RRAGC: variants seen among roughly 807,000 people sequenced by gnomAD.
The protein encoded by RRAGC is Ras related GTP binding C.
RRAGC carries 8 observed loss-of-function variants against 37.1 expected under a neutral mutation model. That is an observed-to-expected ratio of 0.22 (90% CI 0.13 to 0.39). The LOEUF (loss-of-function observed/expected upper bound fraction) is 0.39. Among genes scored for constraint, RRAGC ranks in the 10% least tolerant of loss-of-function variants. The probability of loss-of-function intolerance (pLI) is 1.00; values close to 1 mark genes in which losing one functional copy is unlikely to be tolerated. For missense variants in RRAGC, 342 were observed against 497.6 expected (o/e 0.69, Z 2.98); for synonymous variants, 190 against 181.1 (o/e 1.05, Z -0.39).
At chr1:38,840,005 G>A (rs975148309) in intron 6 of RRAGC, among the ~76,000 whole-genome samples, 27 of 152,076 alleles carry the variant, frequency 1.8e-4, no homozygotes, top group African/African-American at 4.1e-4. Flanking sequence ...AAAATTAGCC[G>A]GGCATGGTGG....
At chr1:38,858,882 A>C (rs988932547) in intron 1 of RRAGC, among the ~76,000 whole-genome samples, 14 of 152,244 alleles carry the variant, frequency 9.2e-5, no homozygotes, top group African/African-American at 3.1e-4. Context: ...AAATGGGTGC[A>C]ATCTCACTAC....
intron 1 of RRAGC, among the ~76,000 whole-genome samples, chr1:38,857,746 G>T (rs1014197795): frequency 6.6e-6 from 1 of 152,198 alleles, no homozygotes; most frequent in African/African-American, 2.4e-5. Flanking sequence ...GATCACTTGA[G>T]GTCAGGAGTT....
chr1:38,856,717 T>C (rs1642171711), intron 2 of RRAGC, 162 bp downstream of exon 2: 1 of 632,600 alleles, frequency 1.6e-6, no homozygotes, highest in Non-Finnish European at 2.8e-6. Context: ...GCACAATGCA[T>C]GTCTGCTCCC....
chr1:38,839,577 A>G lies in RRAGC; in HGVS notation c.1176T>C (p.Asn392=). The G allele has an allele frequency of 2.5e-6, 4 of 1,614,102 alleles. No homozygotes were observed. Among genetic ancestry groups the G allele is most frequent in the Non-Finnish European group, 3.4e-6 (4 of 1,180,030 alleles). ...SASSLKALTH[N]GTPRNAI is the part of the protein sequence containing the mutation. ...ACTAGATGGCGTTTCGTGGCGTGCCATTGTGTGTCAGCGCTTTCAGACTGG... is the reference window on the plus strand; with the variant it reads ...ACTAGATGGCGTTTCGTGGCGTGCCGTTGTGTGTCAGCGCTTTCAGACTGG... Residue 392 remains asparagine (N), a synonymous_variant, in exon 7 of 7, where the codon AAT becomes AAC. Coordinates refer to ENST00000373001, the MANE Select transcript of RRAGC (RefSeq NM_022157.4).
In RRAGC at chr1:38,852,398, T is replaced by C; in HGVS notation, c.732A>G (p.Glu244=). ...QKLIPQLPTL[E]NLLNIFISNS... is the part of the protein sequence containing the mutation. ...CTGATATAAAGATATTTAATAGGTT[T>C]TCCAAGGTCGGCAGTTGTGGAATGA... Residue 244 remains glutamate, a synonymous_variant, in exon 4 of 7, where the codon GAA becomes GAG. Coordinates refer to ENST00000373001, the MANE Select transcript of RRAGC (RefSeq NM_022157.4). 1 of 1,595,700 alleles carries C rather than the reference T, an allele frequency of 6.3e-7. No homozygotes were observed. Among genetic ancestry groups the C allele is most frequent in the Non-Finnish European group, 8.6e-7 (1 of 1,163,608 alleles).
rs11211491 is a variant in RRAGC at position 38,856,148 on chromosome 1, T to A, written c.442-241A>T. Among the ~76,000 whole-genome samples the A allele has an allele frequency of 2.0e-3, 300 of 152,302 alleles. 2 individuals carry two copies. The highest frequency in any genetic ancestry group is 6.7e-3 in the African/African-American group (278 of 41,576). On this transcript the variant is annotated intron_variant, in intron 2 of 6. Transcript: ENST00000373001. ...ATTAATTTAAGAAAGAAAAAAATGA[T>A]ATGAACATTTTTTCCCAACATAATT...
intron 3 of RRAGC, 63 bp downstream of exon 3, chr1:38,855,645 A>G (rs1036379778): frequency 1.6e-6 from 2 of 1,282,038 alleles, no homozygotes; most frequent in East Asian, 2.3e-5. Flanking sequence ...GTTTGTAATG[A>G]CAGAGATGGG....
chr1:38,840,554 C>A (rs1641951136), intron 6 of RRAGC, among the ~76,000 whole-genome samples: 1 of 152,092 alleles, frequency 6.6e-6, no homozygotes, highest in African/African-American at 2.4e-5. Flanking sequence ...TGAAGGAAAT[C>A]CAAAGAAAAA....
chr1:38,856,539 C>T (rs1376735821), intron 2 of RRAGC, among the ~76,000 whole-genome samples: 1 of 152,124 alleles, frequency 6.6e-6, no homozygotes, highest in Non-Finnish European at 1.5e-5. Context: ...TTCTCATATT[C>T]CTCTTTATGT....
At position 38,846,100 on chromosome 1, in the gene RRAGC, A is replaced by G. The variant is rs775957074; in HGVS notation, c.900-13T>C. 2 of 1,601,930 alleles carry G rather than the reference A, an allele frequency of 1.2e-6. No homozygotes were observed. Among genetic ancestry groups the G allele is most frequent in the East Asian group, 2.2e-5 (1 of 44,736 alleles). On this transcript the variant is annotated splice_polypyrimidine_tract_variant and intron_variant, in intron 5 of 6. Transcript: ENST00000373001. ...ATCTTCCTTTAACCTATTTTAAAAG[A>G]AAGTACTATTCATTACAGGTTTCCC...
At chr1:38,846,163 T>C in intron 5 of RRAGC, 76 bp from the exon 6 acceptor site, 1 of 1,148,544 alleles carries the variant, frequency 8.7e-7, no homozygotes, top group Non-Finnish European at 1.3e-6. Flanking sequence ...CACAATGACA[T>C]CCACCCAGTT....
Position 38,857,200 on chromosome 1 carries a change from G to A in RRAGC, c.238-118C>T, listed in dbSNP as rs12059744. 5.8e-4 allele frequency: 396 copies of A among 688,412 alleles called. 2 individuals carry two copies. In the African/African-American group the frequency reaches 6.4e-3, roughly 11 times the overall value. The allele number at this position is 688,412 out of a possible 1,614,324, so 42.6% of individuals were successfully genotyped here. On this transcript the variant is annotated intron_variant, in intron 1 of 6. Coordinates refer to ENST00000373001, the MANE Select transcript of RRAGC (RefSeq NM_022157.4). ...CACAAAAAAAAATTTTTTTTGAAAA[G>A]TAGAAACTGAATGGTGAATCCATTG...
In RRAGC at chr1:38,846,033, G is replaced by A. The variant is rs563378223; in HGVS notation, c.954C>T (p.Ile318=). Residue 318 remains isoleucine (I), a synonymous_variant, in exon 6 of 7, where the codon ATC becomes ATT. Transcript: ENST00000373001. The stretch of plus-strand genomic sequence containing the variant: ...AAAGGACAGTTGTATTATTCAGCTT[G>A]ATAATTGCCATAGATTCTTTGTCAT... ...SAYDKESMAI[I]KLNNTTVLYL... 6.2e-7 allele frequency: 1 copy of A among 1,611,694 alleles called. No individual in the cohort carries two copies. Among genetic ancestry groups the A allele is most frequent in the South Asian group, 1.1e-5 (1 of 90,814 alleles).
chr1:38,855,685 A>T (rs753275377), intron 3 of RRAGC, 23 bp downstream of exon 3: 35 of 1,592,320 alleles, frequency 2.2e-5, no homozygotes, highest in Non-Finnish European at 3.0e-5. Flanking sequence ...CAGGGCTTTC[A>T]TATCAAACAC....
chr1:38,855,108 ACATTTATAAGATAAACC>A (rs1642151797), intron 3 of RRAGC, among the ~76,000 whole-genome samples: 3 of 152,248 alleles, frequency 2.0e-5, no homozygotes, highest in African/African-American at 7.2e-5. Flanking sequence ...AGCCTTATGC[ACATTTATAAGATAAACC>A]CACCTAAGCC....
At chr1:38,848,316 T>C (rs1418480706) in intron 5 of RRAGC, among the ~76,000 whole-genome samples, 2 of 152,104 alleles carry the variant, frequency 1.3e-5, no homozygotes, top group African/African-American at 2.4e-5. Flanking sequence ...GATCTTTTTC[T>C]GTGCCACATG....
chr1:38,849,617 G>C (rs1162323454), intron 5 of RRAGC, among the ~76,000 whole-genome samples: 1 of 152,024 alleles, frequency 6.6e-6, no homozygotes, highest in African/African-American at 2.4e-5. Context: ...GAATCCGGGA[G>C]GCAGAGGTTG....
rs891862421 is a variant in RRAGC at position 38,851,550 on chromosome 1, T to C, written c.899+65A>G. ...CCAGGGGCCTCAGAAATTAGTCTTCTGAACAAATCAAGTTAATAGTTTTCC... is the reference window on the plus strand; with the variant it reads ...CCAGGGGCCTCAGAAATTAGTCTTCCGAACAAATCAAGTTAATAGTTTTCC... On this transcript the variant is annotated intron_variant, in intron 5 of 6. Transcript: ENST00000373001. 78 of 1,413,220 alleles carry C rather than the reference T, an allele frequency of 5.5e-5. No individual in the cohort carries two copies. In the Middle Eastern group the frequency reaches 9.1e-4, roughly 16 times the overall value. 87.5% of individuals were successfully genotyped at this position (1,413,220 alleles called of 1,614,324 possible). A position where few individuals can be genotyped will look rare whatever the true frequency, so the allele number is the denominator to read the frequency against.
chr1:38,845,819 C>CTT, intron 6 of RRAGC, 120 bp downstream of exon 6: 2 of 786,432 alleles, frequency 2.5e-6, no homozygotes, highest in Non-Finnish European at 3.9e-6. Flanking sequence ...GCAGTTTGAG[C>CTT]TTTTTTTTTC....
Sources: gnomAD v4.1 joint callset for allele counts (sites outside exome capture counted in the v4.1 genomes callset) on GRCh38, gnomAD v4.1.1 for gene constraint, MANE v1.5 for transcripts, NCBI Gene and HGNC (gene_info 2026-07-23, HGNC 2026-07-21) for gene names.